TJP1: variants seen among roughly 807,000 people sequenced by gnomAD.
TJP1 encodes tight junction protein ZO-1.
A neutral mutation model predicts 194.2 loss-of-function variants in TJP1; 43 were observed. The ratio of observed to expected loss-of-function variants is 0.22; its 90% confidence interval spans 0.17 to 0.29. The LOEUF is 0.29. TJP1 is among the 10% of genes least tolerant of loss of function. The pLI is 1.00. For missense variants in TJP1, 1,971 were observed against 2,185.7 expected (o/e 0.90, Z 1.96); for synonymous variants, 801 against 779.0 (o/e 1.03, Z -0.47).
chr15:29,871,891 T>C (rs987191588), intron 2 of TJP1, among the ~76,000 whole-genome samples: 2 of 152,092 alleles, frequency 1.3e-5, no homozygotes, highest in Non-Finnish European at 2.9e-5. Flanking sequence ...ATGAGAAGTA[T>C]AAACAAAAAA....
chr15:29,836,852 C>T (rs548818482), intron 2 of TJP1, among the ~76,000 whole-genome samples: 3 of 152,278 alleles, frequency 2.0e-5, no homozygotes, highest in East Asian at 1.9e-4. Flanking sequence ...AGAAAACAGT[C>T]TTCCTCCCCT....
At chr15:29,952,742 A>G (rs945168389) in intron 2 of TJP1, among the ~76,000 whole-genome samples, 1 of 152,200 alleles carries the variant, frequency 6.6e-6, no homozygotes, top group African/African-American at 2.4e-5. Context: ...AAGCTTTCCT[A>G]TTTCAAGGTT....
rs530478467 is a variant in TJP1, at chr15:29,709,259, C to G, written c.4373-223G>C. ...TACCCTGCTGCCCTGGAGTCAGGGT[C>G]CAGCTGCTAAGATTCCTGGCCTCCA... On this transcript the variant is annotated intron_variant, in intron 24 of 27. Transcript: ENST00000614355. Among the ~76,000 whole-genome samples, 6 of 152,186 alleles carry G rather than the reference C, an allele frequency of 3.9e-5. No individual in the cohort carries two copies. The East Asian group carries it at 7.7e-4, about 20-fold the overall frequency.
intron 1 of TJP1, among the ~76,000 whole-genome samples, chr15:29,820,255 T>C (rs2050235791): frequency 2.6e-5 from 4 of 152,014 alleles, no homozygotes; most frequent in Admixed American, 2.6e-4. Context: ...AGTAAGCATT[T>C]TAATCACCTT....
intron 8 of TJP1, among the ~76,000 whole-genome samples, chr15:29,744,696 T>TA (rs958040715): frequency 7.7e-4 from 117 of 151,314 alleles, no homozygotes; most frequent in Non-Finnish European, 1.2e-3. Context: ...CTAATTCACT[T>TA]AAAAAAAAAC....
At chr15:29,721,907 G>A (rs1595625155) in intron 18 of TJP1, among the ~76,000 whole-genome samples, 1 of 152,212 alleles carries the variant, frequency 6.6e-6, no homozygotes, top group Non-Finnish European at 1.5e-5. Flanking sequence ...GTGGAACTTT[G>A]AACTTGAGAG....
chr15:29,810,898 G>A (rs1254847944), intron 1 of TJP1, among the ~76,000 whole-genome samples: 1 of 152,206 alleles, frequency 6.6e-6, no homozygotes, highest in Non-Finnish European at 1.5e-5. Flanking sequence ...TAGACACTGT[G>A]TTAAACTACA....
At chr15:29,862,225 T>C (rs1390110823) in intron 2 of TJP1, among the ~76,000 whole-genome samples, 1 of 152,166 alleles carries the variant, frequency 6.6e-6, no homozygotes, top group Non-Finnish European at 1.5e-5. Flanking sequence ...AAAGAAGATA[T>C]ACCAAGTCAA....
At chr15:29,817,138 G>A (rs2049981512) in intron 1 of TJP1, among the ~76,000 whole-genome samples, 1 of 152,122 alleles carries the variant, frequency 6.6e-6, no homozygotes. Context: ...ATCAAAAACT[G>A]GGCAAAGAAT....
intron 2 of TJP1, among the ~76,000 whole-genome samples, chr15:29,949,475 TCCACAACCA>T (rs2055485447): frequency 1.6e-4 from 5 of 31,714 alleles, no homozygotes; most frequent in African/African-American, 6.2e-4. Flanking sequence ...CACCACCACC[TCCACAACCA>T]CCACCTCCAC....
At position 29,953,140 on chromosome 15, in the gene TJP1, A is replaced by ATTTTTTTTTTTTTTTTTTTTTT. The variant is rs71416442; in HGVS notation, c.306+3091_306+3092insAAAAAAAAAAAAAAAAAAAAAA. Among the ~76,000 whole-genome samples, 6 of 110,978 alleles carry ATTTTTTTTTTTTTTTTTTTTTT rather than the reference A, an allele frequency of 5.4e-5. 2 individuals carry two copies. The highest frequency in any genetic ancestry group is 6.4e-5 in the African/African-American group (2 of 31,174). The allele number at this position is 110,978 out of a possible 152,430, so 72.8% of individuals were successfully genotyped here. A position where few individuals can be genotyped will look rare whatever the true frequency, so the allele number is the denominator to read the frequency against. On this transcript the variant is annotated intron_variant, in intron 2 of 28. Transcript: ENST00000356107. ...TTCCTTCTTTCATAAAAGAAGACAG[A>ATTTTTTTTTTTTTTTTTTTTTT]TTTTTTTTTTTTTTTTTTTGCAACG...
At chr15:29,952,666 A>G (rs762160569) in intron 2 of TJP1, among the ~76,000 whole-genome samples, 16 of 152,172 alleles carry the variant, frequency 1.1e-4, no homozygotes, top group Non-Finnish European at 2.4e-4. Flanking sequence ...ATAAAAATAG[A>G]AATATTATTC....
chr15:29,766,150 G>A lies in TJP1; in HGVS notation c.589+116C>T. Reference sequence around the variant, plus strand: ...TAACAGGATTTGACTTACAGTGATAGAACACAAACACAAAGACAACAAAGC... The same window carrying A: ...TAACAGGATTTGACTTACAGTGATAAAACACAAACACAAAGACAACAAAGC... On this transcript the variant is annotated intron_variant, in intron 5 of 27. Coordinates refer to ENST00000614355, the MANE Select transcript of TJP1 (RefSeq NM_001330239.4). 1.5e-6 allele frequency: 2 copies of A among 1,377,232 alleles called. 1 individual carries two copies. Among genetic ancestry groups the A allele is most frequent in the Middle Eastern group, 4.0e-4 (2 of 5,050 alleles). 85.3% of individuals were successfully genotyped at this position (1,377,232 alleles called of 1,614,324 possible). A position where few individuals can be genotyped will look rare whatever the true frequency, so the allele number is the denominator to read the frequency against.
At chr15:29,928,874 G>A (rs553489894) in intron 2 of TJP1, among the ~76,000 whole-genome samples, 92 of 152,090 alleles carry the variant, frequency 6.0e-4, no homozygotes, top group African/African-American at 2.0e-3. Flanking sequence ...CCCAGGAGGC[G>A]GAGCTTGCAG....
Position 29,760,420 on chromosome 15 carries a change from G to C in TJP1, c.1010+719C>G, listed in dbSNP as rs1000962816. The C allele has an allele frequency of 4.2e-5, 25 of 596,070 alleles. No homozygotes were observed. In the Admixed American group the frequency reaches 6.5e-4, roughly 16 times the overall value. The allele number at this position is 596,070 out of a possible 1,614,324, so 36.9% of individuals were successfully genotyped here. On this transcript the variant is annotated intron_variant, in intron 8 of 27. Coordinates refer to ENST00000614355, the MANE Select transcript of TJP1 (RefSeq NM_001330239.4). ...AGAAAGAGTTCCGCTCTGTCACCAA[G>C]GCTGGAGTGCAGTGGTGCGATCTCG...
chr15:29,937,862 A>C (rs1027817865), intron 2 of TJP1, among the ~76,000 whole-genome samples: 2 of 152,266 alleles, frequency 1.3e-5, no homozygotes, highest in Non-Finnish European at 2.9e-5. Flanking sequence ...CTAGAAAAGA[A>C]GTTCAATTAT....
At chr15:29,763,314 G>T (rs1047213895) in intron 5 of TJP1, among the ~76,000 whole-genome samples, 8 of 152,158 alleles carry the variant, frequency 5.3e-5, no homozygotes, top group African/African-American at 1.9e-4. Context: ...TAAGAACAAT[G>T]ACTACAACTA....
intron 2 of TJP1, among the ~76,000 whole-genome samples, chr15:29,869,294 C>T (rs1342740848): frequency 1.3e-5 from 2 of 152,124 alleles, no homozygotes; most frequent in Non-Finnish European, 2.9e-5. Context: ...AATATTTCAA[C>T]ACAGCTACAA....
At chr15:29,733,729 T>G (rs182006552) in intron 12 of TJP1, among the ~76,000 whole-genome samples, 2 of 152,292 alleles carry the variant, frequency 1.3e-5, no homozygotes, top group Admixed American at 1.3e-4. Context: ...AAGGGGTGTG[T>G]GCTAGTGGCA....
Sources: allele counts gnomAD v4.1 joint callset (sites outside exome capture counted in the v4.1 genomes callset), GRCh38; gene constraint gnomAD v4.1.1; transcripts MANE v1.5; gene names NCBI Gene and HGNC (gene_info 2026-07-23, HGNC 2026-07-21).